Variants in ABAT observed in about 807,000 individuals in gnomAD.
ABAT encodes the protein 4-aminobutyrate aminotransferase, also known as 4-aminobutyrate aminotransferase, mitochondrial.
ABAT carries 45 observed loss-of-function variants against 64.6 expected under a neutral mutation model. The ratio of observed to expected loss-of-function variants is 0.70; its 90% CI spans 0.55 to 0.89. The LOEUF (loss-of-function observed/expected upper bound fraction) is 0.89, where lower values mean the gene tolerates loss of function less well. Among genes scored for constraint, ABAT ranks in the 40% least tolerant of loss-of-function variants. The pLI is 0.00. For missense variants in ABAT, 633 were observed against 658.4 expected, an observed-to-expected ratio of 0.96 and a Z score of 0.42; for synonymous variants, 297 against 250.5, an observed-to-expected ratio of 1.19 and a Z score of -1.75.
intron 1 of ABAT, among the ~76,000 whole-genome samples, chr16:8,720,186 T>C (rs780349381): frequency 1.3e-5 from 2 of 152,222 alleles, no homozygotes; most frequent in Non-Finnish European, 2.9e-5. Flanking sequence ...ACATCCTATG[T>C]ACTTTCTTCA....
intron 1 of ABAT, among the ~76,000 whole-genome samples, chr16:8,708,565 T>C (rs528841351): frequency 2.0e-5 from 3 of 152,326 alleles, no homozygotes; most frequent in East Asian, 3.9e-4. Context: ...CCTCCCAAGG[T>C]GCTGGAATTA....
intron 6 of ABAT, among the ~76,000 whole-genome samples, chr16:8,761,051 G>C (rs990842311): frequency 1.1e-4 from 17 of 151,436 alleles, no homozygotes; most frequent in African/African-American, 3.9e-4. Flanking sequence ...ACTCCAGCCT[G>C]GGTGACAGAG....
At chr16:8,725,285 C>G (rs1043549277) in intron 1 of ABAT, among the ~76,000 whole-genome samples, 1 of 152,162 alleles carries the variant, frequency 6.6e-6, no homozygotes, top group African/African-American at 2.4e-5. Context: ...TTTAGAACAT[C>G]CACAATGCTG....
At chr16:8,739,396 A>G (rs891520308) in intron 2 of ABAT, among the ~76,000 whole-genome samples, 1 of 152,130 alleles carries the variant, frequency 6.6e-6, no homozygotes, top group Non-Finnish European at 1.5e-5. Flanking sequence ...TATCCTTCCT[A>G]TTTCACAAAT....
chr16:8,756,134 C>T (rs933076027), intron 5 of ABAT, among the ~76,000 whole-genome samples: 40 of 151,922 alleles, frequency 2.6e-4, no homozygotes, highest in Non-Finnish European at 1.0e-4. Flanking sequence ...ACACGAGAAT[C>T]GCTTGAACCT....
intron 1 of ABAT, among the ~76,000 whole-genome samples, chr16:8,692,813 A>C (rs1373559287): frequency 6.6e-6 from 1 of 152,140 alleles, no homozygotes; most frequent in Non-Finnish European, 1.5e-5. Context: ...TACTACATTT[A>C]AGGAGAACTT....
intron 6 of ABAT, among the ~76,000 whole-genome samples, chr16:8,762,213 CAAGTTATACAAT>C (rs1420504643): frequency 6.6e-6 from 1 of 152,222 alleles, no homozygotes; most frequent in Admixed American, 6.5e-5. Flanking sequence ...ACATTGCCAA[CAAGTTATACAAT>C]AATCATGGAC....
intron 1 of ABAT, among the ~76,000 whole-genome samples, chr16:8,701,783 G>A (rs942058793): frequency 6.6e-6 from 1 of 152,304 alleles, no homozygotes; most frequent in African/African-American, 2.4e-5. Context: ...AGACAGCCAA[G>A]ACCTGAGGAA....
intron 5 of ABAT, among the ~76,000 whole-genome samples, chr16:8,757,001 GGC>G (rs1567306420): frequency 6.6e-6 from 1 of 152,258 alleles, no homozygotes; most frequent in East Asian, 1.9e-4. Context: ...GATTGCAGGT[GGC>G]ATCACTACTC....
At chr16:8,700,806 A>G (rs576881879) in intron 1 of ABAT, among the ~76,000 whole-genome samples, 16 of 150,640 alleles carry the variant, frequency 1.1e-4, no homozygotes, top group Middle Eastern at 3.6e-3. Flanking sequence ...GAGTCTCACT[A>G]TGTTGCTCAG....
intron 6 of ABAT, among the ~76,000 whole-genome samples, chr16:8,763,547 CTCTT>C (rs1310524987): frequency 3.3e-5 from 5 of 152,218 alleles, no homozygotes; most frequent in Non-Finnish European, 5.9e-5. Flanking sequence ...GCCCAAGACA[CTCTT>C]TCTCTACTCC....
rs149938970 is a variant in ABAT, at chr16:8,677,806, C to T, written c.-42+3095C>T. ...AACATAGTTGATACTTAATATAAAA[C>T]AGCTTCCTAGCTGAGGCGGGTGGAT... On this transcript the variant is annotated intron_variant, in intron 1 of 15. Transcript: ENST00000268251. Among the ~76,000 whole-genome samples, 220 of 152,246 alleles carry T rather than the reference C, an allele frequency of 1.4e-3. 1 individual carries two copies. Among genetic ancestry groups the T allele is most frequent in the African/African-American group, 5.1e-3 (210 of 41,542 alleles).
chr16:8,768,475 T>C (rs536262347), intron 10 of ABAT, among the ~76,000 whole-genome samples: 1 of 152,342 alleles, frequency 6.6e-6, no homozygotes, highest in East Asian at 1.9e-4. Context: ...GAGCCGGGAC[T>C]GGAACTCTTG....
intron 1 of ABAT, among the ~76,000 whole-genome samples, chr16:8,733,162 C>T (rs1395330881): frequency 6.6e-6 from 1 of 150,412 alleles, no homozygotes; most frequent in Non-Finnish European, 1.5e-5. Flanking sequence ...GGGGTGGCTG[C>T]CAGGCGGAGA....
At chr16:8,694,519 AG>A (rs1274705222) in intron 1 of ABAT, among the ~76,000 whole-genome samples, 1 of 152,078 alleles carries the variant, frequency 6.6e-6, no homozygotes, top group African/African-American at 2.4e-5. Context: ...CTGGGACCAC[AG>A]GCACATGCCT....
intron 1 of ABAT, among the ~76,000 whole-genome samples, chr16:8,695,075 A>G (rs78199905): frequency 0.024 from 3,648 of 152,288 alleles, 144 homozygotes; most frequent in African/African-American, 0.083. Context: ...GGACAAGGGC[A>G]TTTGACCTTG....
At chr16:8,707,704 C>T (rs1383189130) in intron 1 of ABAT, among the ~76,000 whole-genome samples, 1 of 152,188 alleles carries the variant, frequency 6.6e-6, no homozygotes, top group Non-Finnish European at 1.5e-5. Context: ...CTGGACTTAA[C>T]TCCAGTGCAT....
rs773662763 is a variant in ABAT, at chr16:8,764,845, A to T, written c.540+15A>T. The T allele has an allele frequency of 3.0e-6, 2 of 663,188 alleles. No homozygotes were observed. The highest frequency in any genetic ancestry group is 4.0e-5 in the Admixed American group (1 of 24,696). 41.1% of individuals were successfully genotyped at this position (663,188 alleles called of 1,614,324 possible). A position where few individuals can be genotyped will look rare whatever the true frequency, so the allele number is the denominator to read the frequency against. On this transcript the variant is annotated intron_variant, in intron 8 of 15. Coordinates refer to ENST00000268251, the MANE Select transcript of ABAT (RefSeq NM_020686.6). The surrounding 1 kb of genome is among the most constrained non-coding windows in gnomAD (Gnocchi z 4.2). ...TGTGGTACCGGGTGAGGTTTGGGGC[A>T]CACACACACACACACACACAGGCTC... is the stretch of plus-strand genomic sequence containing the variant.
intron 1 of ABAT, among the ~76,000 whole-genome samples, chr16:8,703,500 A>G (rs554219933): frequency 6.6e-6 from 1 of 152,300 alleles, no homozygotes; most frequent in East Asian, 1.9e-4. Context: ...AAAAAGCAAG[A>G]TAATTTCAAG....
Sources: gnomAD v4.1 joint callset for allele counts (sites outside exome capture counted in the v4.1 genomes callset) on GRCh38, gnomAD v4.1.1 for gene constraint, Gnocchi (gnomAD v3.1) non-coding constraint, MANE v1.5 for transcripts, NCBI Gene and HGNC (gene_info 2026-07-23, HGNC 2026-07-21) for gene names.